Variants in MAP2K5 observed in about 807,000 individuals in gnomAD.
The protein encoded by MAP2K5 is dual specificity mitogen-activated protein kinase kinase 5.
A neutral mutation model predicts 83.1 loss-of-function variants in MAP2K5; 49 were observed. That is an observed-to-expected ratio of 0.59 (90% CI 0.47 to 0.75). The LOEUF is 0.75. Ranked by LOEUF, MAP2K5 falls within the 30% of genes least tolerant of loss-of-function variation. The pLI is 0.00. For missense variants in MAP2K5, 457 were observed against 557.5 expected (o/e 0.82, Z 1.82); for synonymous variants, 202 against 191.8 (o/e 1.05, Z -0.44).
chr15:67,637,966 T>A lies in MAP2K5; in HGVS notation c.585+7039T>A, dbSNP rs1481792057. Among the ~76,000 whole-genome samples the A allele has an allele frequency of 6.6e-6, 1 of 152,072 alleles. No homozygotes were observed. Among genetic ancestry groups the A allele is most frequent in the Non-Finnish European group, 1.5e-5 (1 of 68,012 alleles). Reference sequence around the variant, plus strand: ...TTAGTACCTCTTCCTTTCTTTTTTTTAATTTAACTTTTAACTTTTTTAACT... The same window carrying A: ...TTAGTACCTCTTCCTTTCTTTTTTTAAATTTAACTTTTAACTTTTTTAACT... On this transcript the variant is annotated intron_variant, in intron 9 of 21. Transcript: ENST00000178640. The surrounding 1 kb of genome is among the most constrained non-coding windows in gnomAD (Gnocchi z 4.5).
rs1183270121 is a variant in MAP2K5 at position 67,677,423 on chromosome 15, A to G, written c.847+12778A>G. Among the ~76,000 whole-genome samples, 1 of 152,228 alleles carries G rather than the reference A, an allele frequency of 6.6e-6. No individual in the cohort carries two copies. Among genetic ancestry groups the G allele is most frequent in the Admixed American group, 6.5e-5 (1 of 15,284 alleles). On this transcript the variant is annotated intron_variant, in intron 13 of 21. Coordinates refer to ENST00000178640, the MANE Select transcript of MAP2K5 (RefSeq NM_145160.3). The surrounding 1 kb of genome is among the most constrained non-coding windows in gnomAD (Gnocchi z 4.2). Reference sequence around the variant, plus strand: ...ATGCACTTAGCCCAGTTCCTGGTATATATTAAGTGCCAAGTAAGTGTTATC... The same window carrying G: ...ATGCACTTAGCCCAGTTCCTGGTATGTATTAAGTGCCAAGTAAGTGTTATC...
At chr15:67,762,479 A>G (rs993559964) in intron 19 of MAP2K5, among the ~76,000 whole-genome samples, 1 of 151,418 alleles carries the variant, frequency 6.6e-6, no homozygotes, top group Non-Finnish European at 1.5e-5. Context: ...CCACTCACCT[A>G]TTTTCAAGAA....
In MAP2K5 at chr15:67,549,968, G is replaced by A. The variant is rs540738539; in HGVS notation, c.136-66G>A. ...TTCCCAGGTTCTCATATTTCCTGTAGGATTTGCCACATGTTAGCAATAAAG... is the reference window on the plus strand; with the variant it reads ...TTCCCAGGTTCTCATATTTCCTGTAAGATTTGCCACATGTTAGCAATAAAG... On this transcript the variant is annotated intron_variant, in intron 1 of 21. Transcript: ENST00000178640. The A allele has an allele frequency of 6.0e-6, 7 of 1,172,542 alleles. No individual in the cohort carries two copies. In the East Asian group the frequency reaches 1.4e-4, roughly 23 times the overall value. 72.6% of individuals were successfully genotyped at this position (1,172,542 alleles called of 1,614,324 possible).
chr15:67,740,385 C>T (rs1327897053), intron 17 of MAP2K5, among the ~76,000 whole-genome samples: 1 of 152,104 alleles, frequency 6.6e-6, no homozygotes, highest in Non-Finnish European at 1.5e-5. Context: ...TCCCATCCTC[C>T]CACTCTATCC....
At position 67,777,181 on chromosome 15, in the gene MAP2K5, A is replaced by G. The variant is rs1474256224; in HGVS notation, c.1242+4429A>G. ...TTGAGGGTGGGGTGGGGTGCTTTCT[A>G]TGGGGTTCAGCAGGGCTTTGCACCA... On this transcript the variant is annotated intron_variant, in intron 21 of 21. Transcript: ENST00000178640. This position sits in a 1 kb window ranked among gnomAD's most constrained non-coding sequence, Gnocchi z 6.0. Among the ~76,000 whole-genome samples the G allele has an allele frequency of 1.3e-5, 2 of 151,944 alleles. No individual in the cohort carries two copies. The highest frequency in any genetic ancestry group is 2.9e-5 in the Non-Finnish European group (2 of 67,972).
At chr15:67,607,618 T>C (rs1351954555) in intron 8 of MAP2K5, among the ~76,000 whole-genome samples, 1 of 152,226 alleles carries the variant, frequency 6.6e-6, no homozygotes, top group Non-Finnish European at 1.5e-5. Flanking sequence ...TGAAATAGTT[T>C]ATTGAGATTG....
At position 67,585,783 on chromosome 15, in the gene MAP2K5, T is replaced by G. The variant is rs2141002002; in HGVS notation, c.323-107T>G. The G allele has an allele frequency of 3.2e-6, 3 of 929,962 alleles. No individual in the cohort carries two copies. In the Admixed American group the frequency reaches 5.4e-5, roughly 17 times the overall value. 57.6% of individuals were successfully genotyped at this position (929,962 alleles called of 1,614,324 possible). A position where few individuals can be genotyped will look rare whatever the true frequency, so the allele number is the denominator to read the frequency against. On this transcript the variant is annotated intron_variant, in intron 4 of 21. Transcript: ENST00000178640. Reference sequence around the variant, plus strand: ...TTGGGAGCCACTTTTCAATCATTTCTCTCTGCTAATTTTGGTGTCACCCTC... The same window carrying G: ...TTGGGAGCCACTTTTCAATCATTTCGCTCTGCTAATTTTGGTGTCACCCTC...
At position 67,584,829 on chromosome 15, in the gene MAP2K5, T is replaced by G. The variant is rs1394379733; in HGVS notation, c.323-1061T>G. ...CTCCTGCCTCAGCCTCCCGAGTAGC[T>G]GGGACTACAGGCGCCCGCCACCATG... On this transcript the variant is annotated intron_variant, in intron 4 of 21. Transcript: ENST00000178640. Among the ~76,000 whole-genome samples the G allele has an allele frequency of 3.3e-5, 5 of 151,784 alleles. No individual in the cohort carries two copies. In the East Asian group the frequency reaches 9.7e-4, roughly 29 times the overall value.
At chr15:67,752,550 C>T (rs1247176787) in intron 19 of MAP2K5, among the ~76,000 whole-genome samples, 1 of 151,614 alleles carries the variant, frequency 6.6e-6, no homozygotes, top group African/African-American at 2.4e-5. Context: ...GGCTGGCAGG[C>T]ACCTGTAATC....
At chr15:67,629,107 G>A (rs2086399110) in intron 8 of MAP2K5, 2 of 734,062 alleles carry the variant, frequency 2.7e-6, no homozygotes, top group East Asian at 2.5e-5. Flanking sequence ...AGTAGCAGCA[G>A]TAGCTACGGC....
At chr15:67,629,064 A>G in intron 8 of MAP2K5, 1 of 741,256 alleles carries the variant, frequency 1.3e-6, no homozygotes, top group African/African-American at 1.7e-5. Context: ...ATACTTTGCC[A>G]AACCATGAAA....
At chr15:67,694,454 T>C (rs967443273) in intron 15 of MAP2K5, among the ~76,000 whole-genome samples, 1 of 152,154 alleles carries the variant, frequency 6.6e-6, no homozygotes, top group Non-Finnish European at 1.5e-5. Context: ...CAGTATTCTT[T>C]CTGTATATAT....
Position 67,580,791 on chromosome 15 carries a change from A to G in MAP2K5, c.290A>G (p.Gln97Arg). 5 of 1,609,394 alleles carry G rather than the reference A, an allele frequency of 3.1e-6. No individual in the cohort carries two copies. The highest frequency in any genetic ancestry group is 4.2e-6 in the Non-Finnish European group (5 of 1,176,622). Residue 97 changes from glutamine (Q) to arginine (R), a missense_variant, in exon 4 of 22, where the codon CAG (glutamine) becomes CGG (arginine). By Grantham distance (43) the Gln-to-Arg change is conservative. Transcript: ENST00000178640. Reference sequence around the variant, plus strand: ...GTAATGGAACAGCAAGTAAATGGACAGTTAATAGAGCCTCTGCAGATATTT... The same window carrying G: ...GTAATGGAACAGCAAGTAAATGGACGGTTAATAGAGCCTCTGCAGATATTT... Reference protein sequence around the residue: ...STVMEQQVNGQLIEPLQIFPR... With the variant: ...STVMEQQVNGRLIEPLQIFPR...
chr15:67,772,850 G>A, intron 21 of MAP2K5, 98 bp downstream of exon 21: 1 of 892,620 alleles, frequency 1.1e-6, no homozygotes, highest in Non-Finnish European at 1.7e-6. Flanking sequence ...ACAGCCATAG[G>A]CTCTGAAAAG....
rs1436347805 is a variant in MAP2K5 at position 67,565,418 on chromosome 15, C to T, written c.252+2068C>T. ...CTAATTTTTGTATTTTTAGTAGAGA[C>T]GGGGTTTCATCATGTTGGCCAGGCT... On this transcript the variant is annotated intron_variant, in intron 3 of 21. Coordinates refer to ENST00000178640, the MANE Select transcript of MAP2K5 (RefSeq NM_145160.3). This position sits in a 1 kb window ranked among gnomAD's most constrained non-coding sequence, Gnocchi z 4.1. 2.6e-5 allele frequency among the ~76,000 whole-genome samples: 4 copies of T among 151,862 alleles called. No individual in the cohort carries two copies. Among genetic ancestry groups the T allele is most frequent in the African/African-American group, 7.3e-5 (3 of 41,352 alleles).
Position 67,769,483 on chromosome 15 carries a change from G to T in MAP2K5, c.1135-119G>T. On this transcript the variant is annotated intron_variant, in intron 19 of 21. Coordinates refer to ENST00000178640, the MANE Select transcript of MAP2K5 (RefSeq NM_145160.3). This position sits in a 1 kb window ranked among gnomAD's most constrained non-coding sequence, Gnocchi z 5.2. ...GTAAAGACAGTCTTTTTAATTGGGT[G>T]AGGCCTTATTCTCATTGTATTCATC... 2.4e-6 allele frequency: 2 copies of T among 817,574 alleles called. No homozygotes were observed. The highest frequency in any genetic ancestry group is 1.6e-5 in the South Asian group (1 of 62,308). The allele number at this position is 817,574 out of a possible 1,614,324, so 50.6% of individuals were successfully genotyped here.
intron 3 of MAP2K5, among the ~76,000 whole-genome samples, chr15:67,567,308 A>G (rs554537107): frequency 2.0e-5 from 3 of 150,984 alleles, no homozygotes; most frequent in African/African-American, 7.3e-5. Context: ...TTCTGGGATC[A>G]CGGCTTTTCC....
intron 8 of MAP2K5, among the ~76,000 whole-genome samples, chr15:67,604,055 T>C (rs1472039010): frequency 1.3e-5 from 2 of 152,268 alleles, no homozygotes; most frequent in African/African-American, 4.8e-5. Context: ...ACAATGTATA[T>C]GATTTAACAG....
At chr15:67,714,867 A>T (rs1376368027) in intron 16 of MAP2K5, among the ~76,000 whole-genome samples, 2 of 152,156 alleles carry the variant, frequency 1.3e-5, no homozygotes, top group Non-Finnish European at 2.9e-5. Flanking sequence ...TCAAAATCCG[A>T]AAAAGGCCAA....
Sources: gnomAD v4.1 joint callset for allele counts (sites outside exome capture counted in the v4.1 genomes callset) on GRCh38, gnomAD v4.1.1 for gene constraint, Gnocchi (gnomAD v3.1) non-coding constraint, MANE v1.5 for transcripts, NCBI Gene and HGNC (gene_info 2026-07-23, HGNC 2026-07-21) for gene names.